Variants in SYT9 observed in about 807,000 individuals in gnomAD.
SYT9 encodes the protein synaptotagmin 9.
In SYT9, 22 loss-of-function variants were observed where a neutral mutation model predicts 48.4. That is an observed-to-expected ratio of 0.45 (90% CI 0.32 to 0.65). SYT9 has a LOEUF of 0.65. Ranked by LOEUF, SYT9 falls within the 30% of genes least tolerant of loss-of-function variation. The pLI is 0.03. For synonymous variants in SYT9, 265 were observed against 245.0 expected (o/e 1.08, Z -0.76); for missense variants, 577 against 622.0 (o/e 0.93, Z 0.77).
chr11:7,304,260 T>C (rs1042890246), intron 2 of SYT9, among the ~76,000 whole-genome samples: 1 of 152,226 alleles, frequency 6.6e-6, no homozygotes, highest in Non-Finnish European at 1.5e-5. Context: ...TTAGTATTGC[T>C]ATTATGGCCT....
At chr11:7,291,765 A>T (rs745770193) in intron 1 of SYT9, among the ~76,000 whole-genome samples, 2 of 152,104 alleles carry the variant, frequency 1.3e-5, no homozygotes, top group Non-Finnish European at 2.9e-5. Flanking sequence ...CCATACCAAC[A>T]TAAGTACAGC....
intron 6 of SYT9, among the ~76,000 whole-genome samples, chr11:7,448,897 G>A (rs1016118996): frequency 2.0e-5 from 3 of 152,146 alleles, no homozygotes; most frequent in Non-Finnish European, 4.4e-5. Context: ...GGGTGGGGCA[G>A]ATTCAGGGCT....
intron 3 of SYT9, among the ~76,000 whole-genome samples, chr11:7,314,810 T>G (rs1200646907): frequency 2.6e-5 from 4 of 152,228 alleles, no homozygotes; most frequent in African/African-American, 4.8e-5. Flanking sequence ...TATGAGCTAT[T>G]CTGAGGCCAG....
intron 2 of SYT9, among the ~76,000 whole-genome samples, chr11:7,304,454 G>T (rs911103143): frequency 3.3e-5 from 5 of 152,220 alleles, no homozygotes; most frequent in Non-Finnish European, 7.3e-5. Flanking sequence ...CTGTTATTTG[G>T]AAGGTATAAA....
Position 7,252,103 on chromosome 11 carries a change from C to A in SYT9, c.-84C>A. The A allele has an allele frequency of 7.6e-7, 1 of 1,309,960 alleles. No homozygotes were observed. Among genetic ancestry groups the A allele is most frequent in the South Asian group, 2.0e-5 (1 of 49,612 alleles). 81.1% of individuals were successfully genotyped at this position (1,309,960 alleles called of 1,614,324 possible). On this transcript the variant is annotated 5_prime_UTR_variant, in exon 1 of 7. Coordinates refer to ENST00000318881, the MANE Select transcript of SYT9 (RefSeq NM_175733.4). The surrounding 1 kb of genome is among the most constrained non-coding windows in gnomAD (Gnocchi z 6.3). ...TCCCTGGCGGTGAGCGCGGACGGCC[C>A]GGAGGCGGCGGCTCTGAGCTGGCAG...
chr11:7,424,380 A>G (rs1847414957), intron 6 of SYT9, among the ~76,000 whole-genome samples: 1 of 152,198 alleles, frequency 6.6e-6, no homozygotes, highest in Non-Finnish European at 1.5e-5. Context: ...CTCAGATGAC[A>G]GAGCTCTAAG....
In SYT9 at chr11:7,466,887, A is replaced by T; in HGVS notation, c.*87A>T. The T allele has an allele frequency of 6.6e-7, 1 of 1,509,122 alleles. No individual in the cohort carries two copies. The allele number at this position is 1,509,122 out of a possible 1,614,324, so 93.5% of individuals were successfully genotyped here. Reference sequence around the variant, plus strand: ...TAAGTAACTTTTTCCATCCAGCAACATCCAGACGATTTCAGTGACCAAATG... The same window carrying T: ...TAAGTAACTTTTTCCATCCAGCAACTTCCAGACGATTTCAGTGACCAAATG... On this transcript the variant is annotated 3_prime_UTR_variant, in exon 7 of 7. Transcript: ENST00000318881.
rs1847242515 is a variant in SYT9, at chr11:7,416,141, A to G, written c.1144A>G (p.Met382Val). The G allele has an allele frequency of 5.0e-6, 8 of 1,614,070 alleles. No individual in the cohort carries two copies. Among genetic ancestry groups the G allele is most frequent in the Non-Finnish European group, 5.9e-6 (7 of 1,180,028 alleles). ...TATAAAAGCAAGGAATTTAAAGGCA[A>G]TGGACATAACAGGAGCATCAGGTGG... ...TIIKARNLKA[M>V]DITGASDPYV... Residue 382 changes from methionine to valine, a missense_variant, in exon 4 of 7, where the codon ATG (methionine) becomes GTG (valine). Physicochemically the swap from Met to Val is conservative, Grantham distance 21. Transcript: ENST00000318881.
chr11:7,354,316 A>C (rs1216505350), intron 3 of SYT9, among the ~76,000 whole-genome samples: 1 of 152,192 alleles, frequency 6.6e-6, no homozygotes, highest in African/African-American at 2.4e-5. Flanking sequence ...AGAGCACTTC[A>C]TTGGCTCACC....
At chr11:7,262,980 A>G (rs1234155460) in intron 1 of SYT9, among the ~76,000 whole-genome samples, 1 of 152,184 alleles carries the variant, frequency 6.6e-6, no homozygotes, top group Non-Finnish European at 1.5e-5. Flanking sequence ...GGGAATGACT[A>G]GTACAGAACA....
chr11:7,251,132 A>ACACC (rs146134507), upstream of SYT9, among the ~76,000 whole-genome samples: 4,555 of 127,834 alleles, frequency 0.036, 224 homozygotes, highest in African/African-American at 0.11. Context: ...ACACACACAC[A>ACACC]CCCAGAGTAC....
chr11:7,430,893 T>A (rs1332893011), intron 6 of SYT9, among the ~76,000 whole-genome samples: 1 of 152,192 alleles, frequency 6.6e-6, no homozygotes, highest in Non-Finnish European at 1.5e-5. Flanking sequence ...ACCTCCTTTC[T>A]TTATAAATTG....
At chr11:7,260,755 G>C (rs558680882) in intron 1 of SYT9, among the ~76,000 whole-genome samples, 1 of 152,242 alleles carries the variant, frequency 6.6e-6, no homozygotes, top group East Asian at 1.9e-4. Context: ...ACCCATTTTA[G>C]ATCCCCAACA....
At chr11:7,300,653 C>T (rs1848902009) in intron 1 of SYT9, among the ~76,000 whole-genome samples, 1 of 152,186 alleles carries the variant, frequency 6.6e-6, no homozygotes, top group African/African-American at 2.4e-5. Flanking sequence ...AGTTTTGTCT[C>T]CATTTAGACT....
Position 7,273,802 on chromosome 11 carries a change from A to G in SYT9, c.145+21471A>G, listed in dbSNP as rs367811478. On this transcript the variant is annotated intron_variant, in intron 1 of 6. Coordinates refer to ENST00000318881, the MANE Select transcript of SYT9 (RefSeq NM_175733.4). ...GTTTACAGCAAACTAACACAGGAAC[A>G]GAAAACCAAACACTGCATGTTCTCA... 9.8e-5 allele frequency among the ~76,000 whole-genome samples: 15 copies of G among 152,358 alleles called. No individual in the cohort carries two copies. The East Asian group carries it at 2.9e-3, about 29-fold the overall frequency.
At chr11:7,287,546 T>G (rs1235526588) in intron 1 of SYT9, among the ~76,000 whole-genome samples, 1 of 152,222 alleles carries the variant, frequency 6.6e-6, no homozygotes, top group African/African-American at 2.4e-5. Flanking sequence ...AATTGGATAT[T>G]ATCACCCACA....
intron 6 of SYT9, among the ~76,000 whole-genome samples, chr11:7,458,111 A>G (rs1309707886): frequency 6.6e-6 from 1 of 152,238 alleles, no homozygotes; most frequent in Admixed American, 6.5e-5. Context: ...AAAATAGTCA[A>G]AAATCTTTGC....
At chr11:7,273,512 A>C (rs2133890340) in intron 1 of SYT9, among the ~76,000 whole-genome samples, 1 of 152,296 alleles carries the variant, frequency 6.6e-6, no homozygotes, top group East Asian at 1.9e-4. Flanking sequence ...TTCTGAAGGC[A>C]ATTAGGAAAA....
At chr11:7,249,343 A>C (rs1046439449), upstream of SYT9, among the ~76,000 whole-genome samples, 5 of 152,156 alleles carry the variant, frequency 3.3e-5, no homozygotes, top group Non-Finnish European at 5.9e-5. Context: ...CATTCTGTTG[A>C]ATAAAGTGAG....
Sources: allele counts gnomAD v4.1 joint callset (sites outside exome capture counted in the v4.1 genomes callset), GRCh38; gene constraint gnomAD v4.1.1; non-coding constraint Gnocchi (gnomAD v3.1); transcripts MANE v1.5; gene names NCBI Gene and HGNC (gene_info 2026-07-23, HGNC 2026-07-21).